The following PKNOX1 variants were observed in gnomAD, a reference collection of about 807,000 sequenced individuals.
PKNOX1 encodes the protein PBX/knotted 1 homeobox 1.
PKNOX1 carries 15 observed loss-of-function variants against 51.9 expected under a neutral mutation model. That is an observed-to-expected ratio of 0.29 (90% CI 0.19 to 0.45). The LOEUF is 0.45. PKNOX1 is among the 20% of genes least tolerant of loss of function. The pLI is 1.00. For synonymous variants in PKNOX1, 219 were observed against 211.1 expected (o/e 1.04, Z -0.32); for missense variants, 462 against 547.5 (o/e 0.84, Z 1.56).
intron 1 of PKNOX1, among the ~76,000 whole-genome samples, chr21:42,983,112 T>C (rs2059035247): frequency 6.6e-6 from 1 of 152,174 alleles, no homozygotes; most frequent in Non-Finnish European, 1.5e-5. Context: ...GGCTGGCCTT[T>C]TTTTTCCAAT....
intron 1 of PKNOX1, among the ~76,000 whole-genome samples, chr21:42,979,948 G>A (rs1388075043): frequency 6.6e-6 from 1 of 152,188 alleles, no homozygotes; most frequent in Non-Finnish European, 1.5e-5. Context: ...TTGTTTCAAA[G>A]ATTAACCTTC....
At position 43,031,566 on chromosome 21, in the gene PKNOX1, A is replaced by G. The variant is rs1451693006; in HGVS notation, c.*1465A>G. ...TTACTTAGGAGTGGTGCTTTTTCTC[A>G]GAAAACAGGCCACGGTGTTTCATAC... On this transcript the variant is annotated 3_prime_UTR_variant, in exon 11 of 11. Transcript: ENST00000291547. 1 of 152,244 alleles carries G rather than the reference A, an allele frequency of 6.6e-6. No homozygotes were observed. The highest frequency in any genetic ancestry group is 1.9e-4 in the East Asian group (1 of 5,206). 9.4% of individuals were successfully genotyped at this position (152,244 alleles called of 1,614,324 possible).
At chr21:43,013,482 T>C (rs186704140) in intron 5 of PKNOX1, among the ~76,000 whole-genome samples, 1 of 152,352 alleles carries the variant, frequency 6.6e-6, no homozygotes, top group Admixed American at 6.5e-5. Flanking sequence ...TCCATTCATT[T>C]CTTTCTTTTA....
At chr21:42,980,219 C>A (rs2059019592) in intron 1 of PKNOX1, among the ~76,000 whole-genome samples, 2 of 151,860 alleles carry the variant, frequency 1.3e-5, no homozygotes, top group South Asian at 4.2e-4. Context: ...ACTAAAAATG[C>A]AAAATTAGCT....
intron 1 of PKNOX1, among the ~76,000 whole-genome samples, chr21:42,995,559 T>G (rs1306682278): frequency 7.8e-6 from 1 of 128,896 alleles, no homozygotes; most frequent in East Asian, 2.0e-4. Context: ...GTGCCTATAG[T>G]TCTAGCTACT....
At chr21:43,024,594 C>T (rs909907819) in intron 8 of PKNOX1, 7 of 373,938 alleles carry the variant, frequency 1.9e-5, no homozygotes, top group African/African-American at 4.2e-5. Context: ...CATAGCTGCT[C>T]CTCATGATGT....
Position 42,999,048 on chromosome 21 carries a change from A to G in PKNOX1, c.-56-5278A>G, listed in dbSNP as rs534590618. 5.3e-5 allele frequency among the ~76,000 whole-genome samples: 8 copies of G among 152,344 alleles called. No homozygotes were observed. In the East Asian group the frequency reaches 1.3e-3, roughly 26 times the overall value. On this transcript the variant is annotated intron_variant, in intron 1 of 10. Coordinates refer to ENST00000291547, the MANE Select transcript of PKNOX1 (RefSeq NM_004571.5). ...TTCTCCATGAGAGCCCCGCCCTTAC[A>G]GCCAACATCTGCCTGGACATCCAGG...
chr21:43,019,084 CAA>C (rs57172994), intron 7 of PKNOX1, among the ~76,000 whole-genome samples: 112 of 118,492 alleles, frequency 9.5e-4, no homozygotes, highest in East Asian at 2.3e-3. Context: ...GACTCCATCT[CAA>C]AAAAAAAAAA....
At chr21:43,028,413 T>A (rs1461342857) in intron 9 of PKNOX1, among the ~76,000 whole-genome samples, 1 of 150,998 alleles carries the variant, frequency 6.6e-6, no homozygotes, top group Non-Finnish European at 1.5e-5. Flanking sequence ...TCGTTATGAG[T>A]ATCTAGTTCA....
intron 1 of PKNOX1, among the ~76,000 whole-genome samples, chr21:42,986,506 CAA>C (rs35455226): frequency 1.3e-5 from 2 of 149,938 alleles, no homozygotes; most frequent in African/African-American, 4.9e-5. Context: ...GTCTCAAAAA[CAA>C]AAAAAAAGTG....
intron 1 of PKNOX1, among the ~76,000 whole-genome samples, chr21:42,996,184 G>T (rs952331942): frequency 2.6e-5 from 4 of 152,202 alleles, no homozygotes; most frequent in African/African-American, 9.6e-5. Context: ...TCCAGCCTAG[G>T]TGACAGAGCA....
chr21:43,004,569 T>A, intron 2 of PKNOX1, 137 bp downstream of exon 2: 1 of 579,724 alleles, frequency 1.7e-6, no homozygotes, highest in Non-Finnish European at 3.0e-6. Flanking sequence ...TTATTGTACA[T>A]TCGTGTTCAG....
chr21:42,994,412 A>G (rs1978399743), intron 1 of PKNOX1, among the ~76,000 whole-genome samples: 1 of 20,920 alleles, frequency 4.8e-5, no homozygotes, highest in Non-Finnish European at 1.0e-4. Context: ...CCTGGCCTCA[A>G]GTGATCCACC....
In PKNOX1 at chr21:42,995,921, A is replaced by G. The variant is rs574286247; in HGVS notation, c.-56-8405A>G. On this transcript the variant is annotated intron_variant, in intron 1 of 10. Coordinates refer to ENST00000291547, the MANE Select transcript of PKNOX1 (RefSeq NM_004571.5). ...ATTCATTTATGTATTTATATTTTTA[A>G]AGAAAAACTTATTCTGACCCTTATT... is the stretch of plus-strand genomic sequence containing the variant. Among the ~76,000 whole-genome samples, 7 of 152,252 alleles carry G rather than the reference A, an allele frequency of 4.6e-5. No individual in the cohort carries two copies. In the South Asian group the frequency reaches 1.5e-3, roughly 32 times the overall value.
Position 43,033,161 on chromosome 21 carries a change from C to T in PKNOX1, c.*3060C>T, listed in dbSNP as rs1322018486. On this transcript the variant is annotated 3_prime_UTR_variant, in exon 11 of 11. Transcript: ENST00000291547. ...GGGCTGGCTGTGCTGGGTTCCAGCT[C>T]GCTCCCACCGAGGGACTAGCTTGGC... is the stretch of plus-strand genomic sequence containing the variant. 2.6e-5 allele frequency: 4 copies of T among 151,652 alleles called. No individual in the cohort carries two copies. Among genetic ancestry groups the T allele is most frequent in the Admixed American group, 6.6e-5 (1 of 15,218 alleles). The allele number at this position is 151,652 out of a possible 1,614,324, so 9.4% of individuals were successfully genotyped here. A position where few individuals can be genotyped will look rare whatever the true frequency, so the allele number is the denominator to read the frequency against.
In PKNOX1 at chr21:42,982,887, G is replaced by T. The variant is rs560453945; in HGVS notation, c.-57+8223G>T. ...TGCAGTGGTGCAATCTTGGCTCCCT[G>T]CAACCTCTGCCTCCCGGGTTCAGGC... is the stretch of plus-strand genomic sequence containing the variant. On this transcript the variant is annotated intron_variant, in intron 1 of 10. Transcript: ENST00000291547. Among the ~76,000 whole-genome samples, 94 of 152,006 alleles carry T rather than the reference G, an allele frequency of 6.2e-4. 2 individuals carry two copies. The highest frequency in any genetic ancestry group is 3.9e-3 in the Admixed American group (60 of 15,246).
At chr21:42,980,548 G>C (rs1321049263) in intron 1 of PKNOX1, among the ~76,000 whole-genome samples, 3 of 152,198 alleles carry the variant, frequency 2.0e-5, no homozygotes, top group Non-Finnish European at 1.5e-5. Context: ...AGACTCTGGT[G>C]GGAGAGGGGG....
intron 1 of PKNOX1, among the ~76,000 whole-genome samples, chr21:43,001,636 A>G (rs1022847586): frequency 4.6e-5 from 7 of 152,158 alleles, no homozygotes; most frequent in African/African-American, 1.7e-4. Flanking sequence ...GGTCTCATAA[A>G]GTCTTAAGGC....
rs1980347317 is a variant in PKNOX1, at chr21:43,033,034, G to C, written c.*2933G>C. 1 of 152,144 alleles carries C rather than the reference G, an allele frequency of 6.6e-6. No homozygotes were observed. The allele number at this position is 152,144 out of a possible 1,614,324, so 9.4% of individuals were successfully genotyped here. A position where few individuals can be genotyped will look rare whatever the true frequency, so the allele number is the denominator to read the frequency against. ...CAGATTCGGTTCCAGTTTTATTCTT[G>C]TTGAGTTTTTCCCTATGAAGGCTCC... On this transcript the variant is annotated 3_prime_UTR_variant, in exon 11 of 11. Transcript: ENST00000291547.
Sources: allele counts gnomAD v4.1 joint callset (sites outside exome capture counted in the v4.1 genomes callset), GRCh38; gene constraint gnomAD v4.1.1; transcripts MANE v1.5; gene names NCBI Gene and HGNC (gene_info 2026-07-23, HGNC 2026-07-21).